The following DUSP29 variants were observed in gnomAD, a reference collection of about 807,000 sequenced individuals.
DUSP29 encodes dual specificity phosphatase 29, also known as atypical dual-specific protein phosphatase.
In DUSP29, 12 loss-of-function variants were observed where a neutral mutation model predicts 13.5. That is an observed-to-expected ratio of 0.89 (90% CI 0.57 to 1.44). The LOEUF (loss-of-function observed/expected upper bound fraction) is 1.44. DUSP29 is among the 40% of genes most tolerant of loss of function. The probability of loss-of-function intolerance (pLI) is 0.00; values close to 1 mark genes in which losing one functional copy is unlikely to be tolerated. For missense variants in DUSP29, 308 were observed against 301.1 expected, an observed-to-expected ratio of 1.02 and a Z score of -0.17; for synonymous variants, 134 against 128.7, an observed-to-expected ratio of 1.04 and a Z score of -0.28.
At chr10:75,053,106 G>C (rs981697369) in intron 2 of DUSP29, among the ~76,000 whole-genome samples, 3 of 152,232 alleles carry the variant, frequency 2.0e-5, no homozygotes, top group Non-Finnish European at 4.4e-5. Context: ...ACTGCATTGT[G>C]AGTGAGAAAG....
chr10:75,038,145 A>G, intron 3 of DUSP29, 68 bp from the exon 4 acceptor site: 1 of 1,542,304 alleles, frequency 6.5e-7, no homozygotes, highest in Non-Finnish European at 8.8e-7. Context: ...GGTAGGGCCC[A>G]CTCCCATCCT....
chr10:75,067,047 T>A (rs997260766), intron 1 of DUSP29, among the ~76,000 whole-genome samples: 7 of 149,796 alleles, frequency 4.7e-5, no homozygotes, highest in Non-Finnish European at 7.4e-5. Context: ...AACCTCTGCC[T>A]CTTGGGTTCA....
chr10:75,041,475 C>T (rs1338837737), intron 3 of DUSP29, among the ~76,000 whole-genome samples: 1 of 152,204 alleles, frequency 6.6e-6, no homozygotes, highest in Non-Finnish European at 1.5e-5. Context: ...GTGGCAGGTG[C>T]CCCTCTGAAG....
intron 1 of DUSP29, among the ~76,000 whole-genome samples, chr10:75,066,180 T>C (rs909971669): frequency 6.6e-6 from 1 of 152,142 alleles, no homozygotes; most frequent in Non-Finnish European, 1.5e-5. Flanking sequence ...GAGGGGGCCC[T>C]GCGGCAGGAC....
intron 1 of DUSP29, among the ~76,000 whole-genome samples, chr10:75,059,490 A>G (rs1269619459): frequency 6.6e-6 from 1 of 152,208 alleles, no homozygotes; most frequent in African/African-American, 2.4e-5. Context: ...TATAACACCT[A>G]TTGTGTGCCA....
intron 2 of DUSP29, among the ~76,000 whole-genome samples, chr10:75,051,882 T>C (rs1846839785): frequency 6.6e-6 from 1 of 152,218 alleles, no homozygotes; most frequent in Non-Finnish European, 1.5e-5. Flanking sequence ...GTAGAGTTAA[T>C]TGCTCTTGCA....
At chr10:75,055,888 C>T (rs769655362) in intron 2 of DUSP29, among the ~76,000 whole-genome samples, 1 of 152,122 alleles carries the variant, frequency 6.6e-6, no homozygotes, top group Non-Finnish European at 1.5e-5. Context: ...TAAAAGTATA[C>T]AACAGTATGT....
At chr10:75,049,960 G>T (rs562023615) in intron 2 of DUSP29, among the ~76,000 whole-genome samples, 1 of 152,342 alleles carries the variant, frequency 6.6e-6, no homozygotes, top group East Asian at 1.9e-4. Flanking sequence ...CCGGACCTTG[G>T]AGGCAACTGT....
At chr10:75,069,910 C>G (rs572521963) in intron 1 of DUSP29, among the ~76,000 whole-genome samples, 1 of 150,650 alleles carries the variant, frequency 6.6e-6, no homozygotes, top group Non-Finnish European at 1.5e-5. Flanking sequence ...ATGAGCTGGG[C>G]GTGGTGGTGT....
intron 2 of DUSP29, among the ~76,000 whole-genome samples, chr10:75,056,697 T>C (rs924716080): frequency 3.3e-5 from 5 of 150,890 alleles, no homozygotes; most frequent in African/African-American, 1.2e-4. Context: ...CCTTTATATG[T>C]GTGTATATGT....
Position 75,043,982 on chromosome 10 carries a change from G to C in DUSP29, c.236C>G (p.Ala79Gly). Residue 79 changes from alanine to glycine, a missense_variant, in exon 3 of 4, where the codon GCG (alanine) becomes GGG (glycine). Ala to Gly is a moderately conservative substitution (Grantham distance 60, BLOSUM62 0). Coordinates refer to ENST00000338487, the MANE Select transcript of DUSP29 (RefSeq NM_001003892.3). ...TALDRYRLQK[A>G]GFTHVLNAAH... ...CGCGTTCAGCACGTGCGTGAACCCCGCCTTCTGCAGCCTATAGCGGTCCAG... is the reference window on the plus strand; with the variant it reads ...CGCGTTCAGCACGTGCGTGAACCCCCCCTTCTGCAGCCTATAGCGGTCCAG... 6.2e-7 allele frequency: 1 copy of C among 1,612,506 alleles called. No individual in the cohort carries two copies. The highest frequency in any genetic ancestry group is 8.5e-7 in the Non-Finnish European group (1 of 1,179,924).
chr10:75,044,322 C>T (rs1846657498), intron 2 of DUSP29, among the ~76,000 whole-genome samples: 1 of 147,698 alleles, frequency 6.8e-6, no homozygotes, highest in African/African-American at 2.5e-5. Context: ...CTGGCCTCTA[C>T]GGTGGTCGCA....
At chr10:75,053,132 C>T (rs566489375) in intron 2 of DUSP29, among the ~76,000 whole-genome samples, 3 of 152,188 alleles carry the variant, frequency 2.0e-5, no homozygotes, top group South Asian at 4.1e-4. Context: ...TTGCTGTGGC[C>T]GGCCACCAAG....
rs1847354979 is a variant in DUSP29 at position 75,072,607 on chromosome 10, AACAAGGAGGGATC to A, written c.-35+949_-35+961del. Reference sequence around the variant, plus strand: ...GACCAAATGATATTCTCATGATGAGAACAAGGAGGGATCACAAGCTAAAGGTGGGGGCAGCGGA... The same window carrying A: ...GACCAAATGATATTCTCATGATGAGAACAAGCTAAAGGTGGGGGCAGCGGA... On this transcript the variant is annotated intron_variant, in intron 1 of 3. Transcript: ENST00000338487. Among the ~76,000 whole-genome samples the A allele has an allele frequency of 2.6e-5, 4 of 152,178 alleles. No homozygotes were observed. In the South Asian group the frequency reaches 8.3e-4, roughly 32 times the overall value.
At chr10:75,057,900 G>T (rs182430243) in intron 2 of DUSP29, among the ~76,000 whole-genome samples, 1 of 152,186 alleles carries the variant, frequency 6.6e-6, no homozygotes, top group African/African-American at 2.4e-5. Flanking sequence ...CTTTGCTTTC[G>T]GAAGATGCCC....
At chr10:75,068,853 G>A (rs1232003779) in intron 1 of DUSP29, among the ~76,000 whole-genome samples, 1 of 152,172 alleles carries the variant, frequency 6.6e-6, no homozygotes, top group Non-Finnish European at 1.5e-5. Flanking sequence ...CCCAACTAGG[G>A]AATGAAGTAA....
chr10:75,053,578 C>A lies in DUSP29; in HGVS notation c.200+4737G>T, dbSNP rs557578749. Among the ~76,000 whole-genome samples, 8 of 152,204 alleles carry A rather than the reference C, an allele frequency of 5.3e-5. No individual in the cohort carries two copies. The East Asian group carries it at 1.5e-3, about 29-fold the overall frequency. ...ATTGGCAGAGCCAAGACTCAAACCC[C>A]GTGCTCCTTCCCCTCTAGTACTCAC... On this transcript the variant is annotated intron_variant, in intron 2 of 3. Transcript: ENST00000338487.
chr10:75,064,989 G>A (rs879532997), intron 1 of DUSP29, among the ~76,000 whole-genome samples: 1 of 152,066 alleles, frequency 6.6e-6, no homozygotes, highest in Non-Finnish European at 1.5e-5. Flanking sequence ...GAAGCTGCTT[G>A]TGACTTCTAT....
At chr10:75,071,329 C>CGG (rs1847323876) in intron 1 of DUSP29, among the ~76,000 whole-genome samples, 1 of 152,198 alleles carries the variant, frequency 6.6e-6, no homozygotes, top group African/African-American at 2.4e-5. Context: ...CGCCAGGCCT[C>CGG]GGGGCCGCAG....
Sources: gnomAD v4.1 joint callset for allele counts (sites outside exome capture counted in the v4.1 genomes callset) on GRCh38, gnomAD v4.1.1 for gene constraint, MANE v1.5 for transcripts, NCBI Gene and HGNC (gene_info 2026-07-23, HGNC 2026-07-21) for gene names.